The following SPPL3 variants were observed in gnomAD, a reference collection of about 807,000 sequenced individuals.
SPPL3 encodes signal peptide peptidase like 3.
In SPPL3, 5 loss-of-function variants were observed where a neutral mutation model predicts 42.4. That is an observed-to-expected ratio of 0.12 (90% CI 0.06 to 0.25). The LOEUF (loss-of-function observed/expected upper bound fraction) is 0.25. Among genes scored for constraint, SPPL3 ranks in the 10% least tolerant of loss-of-function variants. The probability of loss-of-function intolerance (pLI) is 1.00; values close to 1 mark genes in which losing one functional copy is unlikely to be tolerated. For synonymous variants in SPPL3, 195 were observed against 181.8 expected (o/e 1.07, Z -0.58); for missense variants, 235 against 489.0 (o/e 0.48, Z 4.90).
intron 1 of SPPL3, among the ~76,000 whole-genome samples, chr12:120,825,318 C>A (rs981994296): frequency 6.6e-6 from 1 of 152,092 alleles, no homozygotes; most frequent in Non-Finnish European, 1.5e-5. Context: ...GCAAAAGCAG[C>A]CCCAATTCAG....
intron 1 of SPPL3, among the ~76,000 whole-genome samples, chr12:120,899,139 G>GA (rs1288899058): frequency 1.3e-5 from 2 of 152,120 alleles, no homozygotes; most frequent in Admixed American, 6.5e-5. Context: ...GTGTATGTGA[G>GA]AAAAAAGGCT....
At chr12:120,847,917 C>T (rs1000353856) in intron 1 of SPPL3, among the ~76,000 whole-genome samples, 11 of 152,012 alleles carry the variant, frequency 7.2e-5, no homozygotes, top group Non-Finnish European at 1.2e-4. Context: ...TTTTAACTAC[C>T]GAGAGAAAGG....
At chr12:120,768,592 TGCAATG>T in intron 7 of SPPL3, 104 bp from the exon 8 acceptor site, 1 of 1,290,004 alleles carries the variant, frequency 7.8e-7, no homozygotes, top group Non-Finnish European at 1.1e-6. Flanking sequence ...ATGCTGTGAC[TGCAATG>T]CTTTCGTTGA....
At chr12:120,768,070 G>A (rs1868975270) in intron 8 of SPPL3, among the ~76,000 whole-genome samples, 1 of 152,166 alleles carries the variant, frequency 6.6e-6, no homozygotes, top group South Asian at 2.1e-4. Flanking sequence ...ACTCCCTCCA[G>A]CCAACTCTAA....
intron 3 of SPPL3, among the ~76,000 whole-genome samples, chr12:120,786,295 T>C (rs901728324): frequency 2.6e-5 from 4 of 152,230 alleles, no homozygotes; most frequent in Admixed American, 6.5e-5. Context: ...CAAAACTCTA[T>C]GAAATCTCTA....
chr12:120,828,031 G>A (rs1486773097), intron 1 of SPPL3, among the ~76,000 whole-genome samples: 1 of 152,106 alleles, frequency 6.6e-6, no homozygotes, highest in Non-Finnish European at 1.5e-5. Flanking sequence ...CAGGTGATCT[G>A]CCTGCCTCAG....
At chr12:120,828,524 C>T (rs900057799) in intron 1 of SPPL3, among the ~76,000 whole-genome samples, 3 of 152,118 alleles carry the variant, frequency 2.0e-5, no homozygotes, top group Non-Finnish European at 2.9e-5. Flanking sequence ...AGAAATCCAT[C>T]GGCTAGTTCC....
At chr12:120,855,642 G>A (rs1399219721) in intron 1 of SPPL3, among the ~76,000 whole-genome samples, 4 of 151,520 alleles carry the variant, frequency 2.6e-5, no homozygotes, top group African/African-American at 4.9e-5. Flanking sequence ...AGCTGAGATC[G>A]TGCCACTGCA....
intron 1 of SPPL3, among the ~76,000 whole-genome samples, chr12:120,879,650 C>T (rs1244956688): frequency 2.0e-5 from 3 of 152,040 alleles, no homozygotes; most frequent in African/African-American, 7.3e-5. Flanking sequence ...ATTAAAGGTT[C>T]TCATTATCAC....
In SPPL3 at chr12:120,778,927, A is replaced by G. The variant is rs140365018; in HGVS notation, c.502+3728T>C. ...TTTTTGTCAAATTCTATCCAAATTGACCAGAACATCCTTGGTTTTGAGTTA... is the reference window on the plus strand; with the variant it reads ...TTTTTGTCAAATTCTATCCAAATTGGCCAGAACATCCTTGGTTTTGAGTTA... On this transcript the variant is annotated intron_variant, in intron 6 of 10. Transcript: ENST00000353487. Among the ~76,000 whole-genome samples the G allele has an allele frequency of 1.8e-3, 277 of 152,302 alleles. 1 individual carries two copies. Among genetic ancestry groups the G allele is most frequent in the African/African-American group, 6.2e-3 (258 of 41,568 alleles).
chr12:120,762,534 A>G lies in SPPL3; in HGVS notation c.*2465T>C, dbSNP rs1218730741. On this transcript the variant is annotated 3_prime_UTR_variant, in exon 11 of 11. Coordinates refer to ENST00000353487, the MANE Select transcript of SPPL3 (RefSeq NM_139015.5). ...CGACGTTCCTTCTGTCTGGAATTTA[A>G]TTTTCTTATGAAAACAAAGACAGAA... The G allele has an allele frequency of 1.3e-5, 2 of 151,838 alleles. No homozygotes were observed. The highest frequency in any genetic ancestry group is 2.4e-5 in the African/African-American group (1 of 41,252). 9.4% of individuals were successfully genotyped at this position (151,838 alleles called of 1,614,324 possible). A position where few individuals can be genotyped will look rare whatever the true frequency, so the allele number is the denominator to read the frequency against.
chr12:120,784,314 T>A lies in SPPL3; in HGVS notation c.310+160A>T, dbSNP rs148149912. The stretch of plus-strand genomic sequence containing the variant: ...GTGGATCAAGAGGTTCAAGGAGGAG[T>A]TGGGGAAGGGTGGCGTGGTTGAGAC... On this transcript the variant is annotated intron_variant, in intron 4 of 10. Transcript: ENST00000353487. The A allele has an allele frequency of 2.6e-4, 153 of 592,978 alleles. 1 individual carries two copies. The East Asian group carries it at 5.1e-3, about 20-fold the overall frequency. The allele number at this position is 592,978 out of a possible 1,614,324, so 36.7% of individuals were successfully genotyped here.
intron 6 of SPPL3, among the ~76,000 whole-genome samples, chr12:120,775,732 G>C (rs1446517501): frequency 6.6e-6 from 1 of 152,154 alleles, no homozygotes; most frequent in Admixed American, 6.5e-5. Flanking sequence ...AGGTTAATTT[G>C]CCAGATGAAA....
rs1411636053 is a variant in SPPL3, at chr12:120,769,220, C to T, written c.503-161G>A. The T allele has an allele frequency of 1.0e-5, 6 of 574,250 alleles. No individual in the cohort carries two copies. The Admixed American group carries it at 1.8e-4, about 17-fold the overall frequency. 35.6% of individuals were successfully genotyped at this position (574,250 alleles called of 1,614,324 possible). On this transcript the variant is annotated intron_variant, in intron 6 of 10. Transcript: ENST00000353487. ...CTTACATGCAACTGGTGCAAAACACCCGCTTCTTCAGCCTGTTTGGACTTG... is the reference window on the plus strand; with the variant it reads ...CTTACATGCAACTGGTGCAAAACACTCGCTTCTTCAGCCTGTTTGGACTTG...
chr12:120,872,866 GATCCAAAC>G (rs1872970677), intron 1 of SPPL3, among the ~76,000 whole-genome samples: 1 of 152,124 alleles, frequency 6.6e-6, no homozygotes, highest in East Asian at 1.9e-4. Flanking sequence ...GGATCAAACT[GATCCAAAC>G]ATTACTTATC....
intron 3 of SPPL3, 114 bp from the exon 4 acceptor site, chr12:120,784,707 G>A: frequency 9.5e-6 from 7 of 733,876 alleles, no homozygotes; most frequent in Non-Finnish European, 1.3e-5. Flanking sequence ...TTATACGTAG[G>A]ACATGGATTA....
At chr12:120,896,414 G>A (rs1001369067) in intron 1 of SPPL3, among the ~76,000 whole-genome samples, 1 of 152,108 alleles carries the variant, frequency 6.6e-6, no homozygotes, top group African/African-American at 2.4e-5. Flanking sequence ...CACCTCAGAC[G>A]TTAAAATTCC....
chr12:120,876,143 G>T (rs760344896), intron 1 of SPPL3, among the ~76,000 whole-genome samples: 1 of 151,622 alleles, frequency 6.6e-6, no homozygotes, highest in Non-Finnish European at 1.5e-5. Context: ...CACCAACATG[G>T]ATCATATTCT....
intron 1 of SPPL3, among the ~76,000 whole-genome samples, chr12:120,847,361 T>G (rs981880672): frequency 8.5e-5 from 13 of 152,206 alleles, no homozygotes; most frequent in African/African-American, 2.9e-4. Flanking sequence ...GGTGTGATCT[T>G]GGCTTACTGC....
Sources: allele counts gnomAD v4.1 joint callset (sites outside exome capture counted in the v4.1 genomes callset), GRCh38; gene constraint gnomAD v4.1.1; transcripts MANE v1.5; gene names NCBI Gene and HGNC (gene_info 2026-07-23, HGNC 2026-07-21).